Variants in DGKQ observed in about 807,000 individuals in gnomAD.
DGKQ encodes the protein diacylglycerol kinase theta, also known as DAG kinase theta.
In DGKQ, 97 loss-of-function variants were observed where a neutral mutation model predicts 104.2. The observed-to-expected ratio is 0.93, with a 90% confidence interval of 0.79 to 1.10. The LOEUF is 1.10. Among genes scored for constraint, DGKQ ranks in the 50% least tolerant of loss-of-function variants. The pLI is 0.00. For missense variants in DGKQ, 1,465 were observed against 1,352.1 expected (o/e 1.08, Z -1.31); for synonymous variants, 736 against 595.2 (o/e 1.24, Z -3.44).
Position 961,168 on chromosome 4 carries a change from G to T in DGKQ, c.2608C>A (p.Arg870=), listed in dbSNP as rs746587352. The T allele has an allele frequency of 1.9e-6, 3 of 1,592,442 alleles. No homozygotes were observed. In the African/African-American group the frequency reaches 4.0e-5, roughly 21 times the overall value. Residue 870 remains arginine, a synonymous_variant, in exon 22 of 23, where the codon CGG becomes AGG. Coordinates refer to ENST00000273814, the MANE Select transcript of DGKQ (RefSeq NM_001347.4). ...QVQGGLRSGI[R]IAQGSYFRVT... ...CGGAAGTAGGAACCCTGGGCAATCC[G>T]GATTCCGGAGCGCAGCCCACCCTGG... is the stretch of plus-strand genomic sequence containing the variant.
chr4:967,403 A>G (rs1377587), intron 8 of DGKQ, 42 bp from the exon 9 acceptor site: 687,888 of 1,093,944 alleles, frequency 0.63, 187,497 homozygotes, highest in African/African-American at 0.73. Context: ...GTGGGGGGTC[A>G]GGCGGGGTTC....
Position 965,192 on chromosome 4 carries a change from A to C in DGKQ, c.1718T>G (p.Val573Gly), listed in dbSNP as rs1215856825. 1 of 1,612,512 alleles carries C rather than the reference A, an allele frequency of 6.2e-7. No individual in the cohort carries two copies. The highest frequency in any genetic ancestry group is 1.1e-5 in the South Asian group (1 of 91,080). The change falls in exon 15 of 23, where the codon GTG becomes GGG. Residue 573 changes from valine to glycine, a missense_variant. By Grantham distance (109) the Val-to-Gly change is moderately radical. Coordinates refer to ENST00000273814, the MANE Select transcript of DGKQ (RefSeq NM_001347.4). ...AVRGRLLTAL[V>G]LPDLLHAKLP... ...CACACTCACCAGCAGGTCGGGGAGC[A>C]CCAGGGCAGTGAGCAGCCGGCCCCG...
chr4:965,351 C>T, intron 14 of DGKQ, 60 bp from the exon 15 acceptor site: 1 of 1,578,982 alleles, frequency 6.3e-7, no homozygotes. Flanking sequence ...GGTGCCAGGG[C>T]AGGAACCAAA....
chr4:961,488 G>A lies in DGKQ; in HGVS notation c.2553C>T (p.Gly851=), dbSNP rs372109620. Residue 851 remains glycine (G), a synonymous_variant, in exon 21 of 23, where the codon GGC becomes GGT. Coordinates refer to ENST00000273814, the MANE Select transcript of DGKQ (RefSeq NM_001347.4). ...RMDDGLLEVV[G]VTGVVHMGQV... ...TCACCATGTGCACGACGCCCGTCACGCCCACAACCTCCAGCAGCCCGTCGT... is the reference window on the plus strand; with the variant it reads ...TCACCATGTGCACGACGCCCGTCACACCCACAACCTCCAGCAGCCCGTCGT... The A allele has an allele frequency of 8.7e-6, 14 of 1,604,328 alleles. No homozygotes were observed. The highest frequency in any genetic ancestry group is 1.3e-5 in the African/African-American group (1 of 74,620).
Position 966,088 on chromosome 4 carries a change from G to A in DGKQ, c.1429-10C>T, listed in dbSNP as rs576894895. 6.9e-6 allele frequency: 11 copies of A among 1,589,520 alleles called. No individual in the cohort carries two copies. In the Admixed American group the frequency reaches 1.2e-4, roughly 18 times the overall value. ...CCTGCCGCACAGACATCTGCAGGGA[G>A]AGGGGCGGGGATGCTGGGCCGGGGA... is the stretch of plus-strand genomic sequence containing the variant. On this transcript the variant is annotated splice_polypyrimidine_tract_variant and intron_variant, in intron 12 of 22. Coordinates refer to ENST00000273814, the MANE Select transcript of DGKQ (RefSeq NM_001347.4).
Position 973,429 on chromosome 4 carries a change from C to T in DGKQ, c.54G>A (p.Pro18=), listed in dbSNP as rs1713102270. 14 of 990,134 alleles carry T rather than the reference C, an allele frequency of 1.4e-5. No individual in the cohort carries two copies. The highest frequency in any genetic ancestry group is 1.6e-5 in the Non-Finnish European group (13 of 834,640). 61.3% of individuals were successfully genotyped at this position (990,134 alleles called of 1,614,324 possible). A position where few individuals can be genotyped will look rare whatever the true frequency, so the allele number is the denominator to read the frequency against. ...GGCTGCAGGCCGGGCTGCCGGGGCG[C>T]GGGGAGCCGCCGCCCAGCCAGGCGC... ...GARAWLGGGS[P]RPGSPACSPV... Residue 18 remains proline, a synonymous_variant, in exon 1 of 23, where the codon CCG becomes CCA. Coordinates refer to ENST00000273814, the MANE Select transcript of DGKQ (RefSeq NM_001347.4).
rs903646840 is a variant in DGKQ at position 960,926 on chromosome 4, C to T, written c.2727+123G>A. The T allele has an allele frequency of 1.2e-5, 18 of 1,516,384 alleles. No individual in the cohort carries two copies. In the Admixed American group the frequency reaches 1.7e-4, roughly 14 times the overall value. 93.9% of individuals were successfully genotyped at this position (1,516,384 alleles called of 1,614,324 possible). On this transcript the variant is annotated intron_variant, in intron 22 of 22. Transcript: ENST00000273814. The stretch of plus-strand genomic sequence containing the variant: ...AGCCCTCCTCTGAAGCAGGCACCCT[C>T]CCGGAGTCAGTGCTCCCTGGCCGCA...
At chr4:965,707 C>T (rs1712258612) in intron 13 of DGKQ, among the ~76,000 whole-genome samples, 178 bp from the exon 14 acceptor site, 1 of 152,206 alleles carries the variant, frequency 6.6e-6, no homozygotes, top group African/African-American at 2.4e-5. Flanking sequence ...TACAGGACCC[C>T]CCAGAGGGAG....
In DGKQ at chr4:968,889, C is replaced by T. The variant is rs1223388473; in HGVS notation, c.373G>A (p.Gly125Ser). ...LVRVPVAHCFGPRGLHKRKFC... is the reference protein window; with the variant it reads ...LVRVPVAHCFSPRGLHKRKFC... ...TTGCGCTTGTGGAGCCCCCGGGGGC[C>T]GAAGCAGTGGGCTACAGGAACCTGG... Residue 125 changes from glycine (G) to serine (S), a missense_variant, in exon 3 of 23, where the codon GGC becomes AGC. Transcript: ENST00000273814. 9 of 1,599,434 alleles carry T rather than the reference C, an allele frequency of 5.6e-6. No homozygotes were observed. In the South Asian group the frequency reaches 6.7e-5, roughly 12 times the overall value.
At chr4:968,429 C>A (rs767739734) in intron 4 of DGKQ, 22 bp from the exon 5 acceptor site, 1 of 1,584,758 alleles carries the variant, frequency 6.3e-7, no homozygotes, top group South Asian at 1.1e-5. Flanking sequence ...GGGCAGTCAG[C>A]AGCTGGGCCC....
chr4:973,067 C>A, intron 1 of DGKQ, 145 bp downstream of exon 1: 1 of 1,268,882 alleles, frequency 7.9e-7, no homozygotes, highest in Non-Finnish European at 1.0e-6. Flanking sequence ...AGGCCCCGGC[C>A]GCCCCACGAA....
rs1420044373 is a variant in DGKQ at position 963,161 on chromosome 4, T to C, written c.1864A>G (p.Thr622Ala). The C allele has an allele frequency of 6.2e-7, 1 of 1,602,386 alleles. No homozygotes were observed. Among genetic ancestry groups the C allele is most frequent in the South Asian group, 1.1e-5 (1 of 90,840 alleles). ...LLNPHQVFDL[T>A]NGGPLPGLHL... ...CACCCGGGAAGAGGACCTCCGTTGG[T>C]CAGGTCGAAGACCTGATGAGGGTTC... Residue 622 changes from threonine (T) to alanine (A), a missense_variant, in exon 16 of 23, where the codon ACC (threonine) becomes GCC (alanine). Transcript: ENST00000273814.
chr4:960,579 G>C lies in DGKQ; in HGVS notation c.*41C>G. 6.4e-7 allele frequency: 1 copy of C among 1,568,458 alleles called. No homozygotes were observed. Among genetic ancestry groups the C allele is most frequent in the South Asian group, 1.1e-5 (1 of 90,100 alleles). On this transcript the variant is annotated 3_prime_UTR_variant, in exon 23 of 23. Coordinates refer to ENST00000273814, the MANE Select transcript of DGKQ (RefSeq NM_001347.4). ...GACCACCTGAAAACAAGGCTGGCGGGAGCAGAGATGGCTCGAGCCCTTGGG... is the reference window on the plus strand; with the variant it reads ...GACCACCTGAAAACAAGGCTGGCGGCAGCAGAGATGGCTCGAGCCCTTGGG...
At chr4:973,183 C>G (rs1713073760) in intron 1 of DGKQ, 29 bp downstream of exon 1, 2 of 1,517,898 alleles carry the variant, frequency 1.3e-6, no homozygotes, top group East Asian at 5.7e-5. Context: ...AGGGCTGCAG[C>G]CGGGTAGGCA....
At chr4:961,253 C>T (rs1293595897) in intron 21 of DGKQ, 52 bp from the exon 22 acceptor site, 1 of 1,441,270 alleles carries the variant, frequency 6.9e-7, no homozygotes, top group Non-Finnish European at 9.2e-7. Context: ...ACGCCCACCG[C>T]TGACCTGGCC....
Position 967,898 on chromosome 4 carries a change from C to CGAT in DGKQ, c.790_792dup (p.Ile264dup). ...ACCTCACCCGGCTCCGCGGCCTCCA[C>CGAT]GATGCGGAAGCTCTGCGTCTTGCTG... On this transcript the variant is annotated inframe_insertion, in exon 6 of 23. Coordinates refer to ENST00000273814, the MANE Select transcript of DGKQ (RefSeq NM_001347.4). 3 of 1,451,920 alleles carry CGAT rather than the reference C, an allele frequency of 2.1e-6. No individual in the cohort carries two copies. Among genetic ancestry groups the CGAT allele is most frequent in the Non-Finnish European group, 1.8e-6 (2 of 1,110,286 alleles). 89.9% of individuals were successfully genotyped at this position (1,451,920 alleles called of 1,614,324 possible). A position where few individuals can be genotyped will look rare whatever the true frequency, so the allele number is the denominator to read the frequency against.
intron 5 of DGKQ, 35 bp from the exon 6 acceptor site, chr4:968,062 G>A: frequency 5.7e-6 from 8 of 1,393,428 alleles, no homozygotes; most frequent in Non-Finnish European, 6.5e-6. Context: ...GGGGGTTGGA[G>A]CCAGGGTGCG....
At chr4:973,023 G>A (rs1247504227) in intron 1 of DGKQ, among the ~76,000 whole-genome samples, 189 bp downstream of exon 1, 1 of 152,164 alleles carries the variant, frequency 6.6e-6, no homozygotes, top group Non-Finnish European at 1.5e-5. Flanking sequence ...CCCAGGTGAG[G>A]AAGCCCGCAG....
chr4:973,249 G>A lies in DGKQ; in HGVS notation c.234C>T (p.Ser78=), dbSNP rs377107642. 3.3e-5 allele frequency: 52 copies of A among 1,558,728 alleles called. No homozygotes were observed. The African/African-American group carries it at 6.0e-4, about 18-fold the overall frequency. Reference sequence around the variant, plus strand: ...AGCCGGCCAGCCCCCAGATGAAGTCGGAGCAGAGGTGGCAGAAGGTGGGCT... The same window carrying A: ...AGCCGGCCAGCCCCCAGATGAAGTCAGAGCAGAGGTGGCAGAAGGTGGGCT... The part of the protein sequence containing the change: ...LTKPTFCHLC[S]DFIWGLAGFL... Residue 78 remains serine (S), a synonymous_variant, in exon 1 of 23, where the codon TCC becomes TCT. Coordinates refer to ENST00000273814, the MANE Select transcript of DGKQ (RefSeq NM_001347.4).
Sources: gnomAD v4.1 joint callset for allele counts (sites outside exome capture counted in the v4.1 genomes callset) on GRCh38, gnomAD v4.1.1 for gene constraint, MANE v1.5 for transcripts, NCBI Gene and HGNC (gene_info 2026-07-23, HGNC 2026-07-21) for gene names.